IMPG2: variants seen among roughly 807,000 people sequenced by gnomAD.
The protein encoded by IMPG2 is interphotoreceptor matrix proteoglycan 2, also known as IPM 200.
A neutral mutation model predicts 129.2 loss-of-function variants in IMPG2; 91 were observed. The observed-to-expected ratio is 0.70, with a 90% CI of 0.59 to 0.84. The LOEUF (loss-of-function observed/expected upper bound fraction) is 0.84. IMPG2 is among the 40% of genes least tolerant of loss of function. IMPG2 has a pLI of 0.00. For missense variants in IMPG2, 1,430 were observed against 1,461.7 expected, an observed-to-expected ratio of 0.98 and a Z score of 0.35; for synonymous variants, 510 against 517.7, an observed-to-expected ratio of 0.99 and a Z score of 0.20.
chr3:101,231,193 A>T (rs1014130120), intron 15 of IMPG2, 48 bp from the exon 16 acceptor site: 2 of 1,566,924 alleles, frequency 1.3e-6, no homozygotes, highest in Admixed American at 3.3e-5. Context: ...CTCTGCTCAC[A>T]CTGACAATTA....
At chr3:101,276,164 T>A (rs1156283381) in intron 5 of IMPG2, among the ~76,000 whole-genome samples, 1 of 152,224 alleles carries the variant, frequency 6.6e-6, no homozygotes, top group African/African-American at 2.4e-5. Flanking sequence ...TTTTTGTAGA[T>A]GTTTGAAATT....
chr3:101,256,193 GAAAGAA>G (rs1292360968), intron 10 of IMPG2, among the ~76,000 whole-genome samples: 1 of 148,188 alleles, frequency 6.7e-6, no homozygotes, highest in Non-Finnish European at 1.5e-5. Flanking sequence ...AAGAAAGAAA[GAAAGAA>G]AGAAAGAAAG....
chr3:101,229,306 A>ACCCCCCCCCCCCCCCCCCCCCC, intron 17 of IMPG2, 74 bp downstream of exon 17: 1 of 362,594 alleles, frequency 2.8e-6, no homozygotes, highest in Admixed American at 3.2e-5. Context: ...ACACACCCCC[A>ACCCCCCCCCCCCCCCCCCCCCC]CCCACCACCC....
Position 101,319,629 on chromosome 3 carries a change from C to A in IMPG2, c.289G>T (p.Val97Phe). The change falls in exon 2 of 19, where the codon GTT becomes TTT. Residue 97 changes from valine to phenylalanine, a missense_variant. By Grantham distance (50) the Val-to-Phe change is conservative (BLOSUM62 -1). Coordinates refer to ENST00000193391, the MANE Select transcript of IMPG2 (RefSeq NM_016247.4). ...NGVKICPDES[V>F]AEAVANHVKY... The stretch of plus-strand genomic sequence containing the variant: ...ACATGATTTGCCACAGCCTCTGCAA[C>A]ACTTTCATCTGGGCAGATTTTCACT... 1 of 1,613,736 alleles carries A rather than the reference C, an allele frequency of 6.2e-7. No individual in the cohort carries two copies. Among genetic ancestry groups the A allele is most frequent in the Non-Finnish European group, 8.5e-7 (1 of 1,179,788 alleles).
At chr3:101,305,900 T>C (rs868712800) in intron 2 of IMPG2, among the ~76,000 whole-genome samples, 3 of 152,124 alleles carry the variant, frequency 2.0e-5, no homozygotes, top group Non-Finnish European at 2.9e-5. Context: ...AGGTAACAGA[T>C]ACATCAGGAT....
chr3:101,248,198 G>A (rs752467966), intron 11 of IMPG2, among the ~76,000 whole-genome samples: 19 of 152,180 alleles, frequency 1.2e-4, no homozygotes, highest in Admixed American at 1.2e-3. Flanking sequence ...CCTGGTGGGA[G>A]GGGATTGAAT....
In IMPG2 at chr3:101,242,716, A is replaced by G. The variant is rs778046769; in HGVS notation, c.2994T>C (p.Ile998=). The G allele has an allele frequency of 6.2e-7, 1 of 1,613,670 alleles. No individual in the cohort carries two copies. ...ATTCCACATCAAGAGAGTATTTATC[A>G]ATAGCCAAGTTCATGGTATTGTAGG... The part of the protein sequence containing the change: ...TTAYNTMNLA[I]DKYSLDVESG... Residue 998 remains isoleucine, a synonymous_variant, in exon 14 of 19, where the codon ATT becomes ATC. Transcript: ENST00000193391.
chr3:101,319,961 G>T, intron 1 of IMPG2, 129 bp from the exon 2 acceptor site: 1 of 915,060 alleles, frequency 1.1e-6, no homozygotes, highest in Non-Finnish European at 1.7e-6. Flanking sequence ...AGGCAGGCAT[G>T]CATATCTAAG....
At chr3:101,316,195 C>T (rs1182309664) in intron 2 of IMPG2, among the ~76,000 whole-genome samples, 8 of 152,078 alleles carry the variant, frequency 5.3e-5, no homozygotes, top group Non-Finnish European at 1.0e-4. Context: ...ACTTTGTGAT[C>T]TTGGGTTAGC....
chr3:101,256,998 C>T (rs1043526912), intron 10 of IMPG2, among the ~76,000 whole-genome samples: 1 of 152,152 alleles, frequency 6.6e-6, no homozygotes, highest in East Asian at 1.9e-4. Context: ...TCATATCCAC[C>T]TGTTCATTAT....
intron 16 of IMPG2, 90 bp downstream of exon 16, chr3:101,230,867 T>C: frequency 8.6e-7 from 1 of 1,162,078 alleles, no homozygotes; most frequent in Non-Finnish European, 1.3e-6. Flanking sequence ...CCCAGCCAGC[T>C]CCTTGTCCAA....
chr3:101,245,704 G>A, intron 12 of IMPG2, 98 bp downstream of exon 12: 1 of 1,099,796 alleles, frequency 9.1e-7, no homozygotes, highest in Non-Finnish European at 1.4e-6. Flanking sequence ...CCTAATGAAT[G>A]CTACCATGTT....
intron 9 of IMPG2, among the ~76,000 whole-genome samples, chr3:101,262,234 G>T (rs1167363911): frequency 1.3e-5 from 2 of 151,902 alleles, no homozygotes. Flanking sequence ...TATATAAATT[G>T]GGTATACCAG....
chr3:101,292,328 C>T (rs960907039), intron 3 of IMPG2, among the ~76,000 whole-genome samples: 3 of 152,052 alleles, frequency 2.0e-5, no homozygotes, highest in Non-Finnish European at 4.4e-5. Flanking sequence ...TGGTTCCAGA[C>T]CAAATAAAAG....
Position 101,231,066 on chromosome 3 carries a change from T to C in IMPG2, c.3313A>G (p.Thr1105Ala). The change falls in exon 16 of 19, where the codon ACT (threonine) becomes GCT (alanine). Residue 1105 changes from threonine (T) to alanine (A), a missense_variant. Coordinates refer to ENST00000193391, the MANE Select transcript of IMPG2 (RefSeq NM_016247.4). ...AGAAGTCCAACCACGGAGGCAATAG[T>C]GATGCCTATGATCACGGGCTCAGAC... is the stretch of plus-strand genomic sequence containing the variant. ...FVSEPVIIGITIASVVGLLVI... is the reference protein window; with the variant it reads ...FVSEPVIIGIAIASVVGLLVI... The C allele has an allele frequency of 1.2e-6, 2 of 1,614,126 alleles. No individual in the cohort carries two copies. The highest frequency in any genetic ancestry group is 1.7e-6 in the Non-Finnish European group (2 of 1,179,996).
At chr3:101,268,797 A>C (rs982187584) in intron 8 of IMPG2, among the ~76,000 whole-genome samples, 1 of 152,170 alleles carries the variant, frequency 6.6e-6, no homozygotes, top group Non-Finnish European at 1.5e-5. Context: ...GGTTCAGAGC[A>C]AGAAAAGCTA....
chr3:101,282,623 A>G (rs1190902576), intron 4 of IMPG2, among the ~76,000 whole-genome samples: 1 of 152,176 alleles, frequency 6.6e-6, no homozygotes, highest in Non-Finnish European at 1.5e-5. Context: ...TATATTAAGA[A>G]ACAGTTGAGC....
chr3:101,302,882 C>T lies in IMPG2; in HGVS notation c.501+1264G>A, dbSNP rs75877523. Among the ~76,000 whole-genome samples, 757 of 152,276 alleles carry T rather than the reference C, an allele frequency of 5.0e-3. 4 individuals are homozygous for T. Among genetic ancestry groups the T allele is most frequent in the Non-Finnish European group, 8.3e-3 (563 of 67,994 alleles). On this transcript the variant is annotated intron_variant, in intron 3 of 18. Transcript: ENST00000193391. ...ACATTTATACCCTCGCAAAATTTGTCTTTGGTCCACCCACGTTTATCAAAC... is the reference window on the plus strand; with the variant it reads ...ACATTTATACCCTCGCAAAATTTGTTTTTGGTCCACCCACGTTTATCAAAC...
intron 14 of IMPG2, among the ~76,000 whole-genome samples, chr3:101,236,654 CA>C (rs1706349001): frequency 6.6e-6 from 1 of 152,146 alleles, no homozygotes; most frequent in African/African-American, 2.4e-5. Flanking sequence ...CCATGAGGAA[CA>C]GTGCATTCAG....
Sources: allele counts gnomAD v4.1 joint callset (sites outside exome capture counted in the v4.1 genomes callset), GRCh38; gene constraint gnomAD v4.1.1; transcripts MANE v1.5; gene names NCBI Gene and HGNC (gene_info 2026-07-23, HGNC 2026-07-21).